The following MACF1 variants were observed in gnomAD, a reference collection of about 807,000 sequenced individuals.
MACF1 encodes the protein microtubule-actin cross-linking factor 1.
A neutral mutation model predicts 854.8 loss-of-function variants in MACF1; 193 were observed. The observed-to-expected ratio is 0.23, with a 90% confidence interval of 0.20 to 0.25. The LOEUF is 0.25. Ranked by LOEUF, MACF1 falls within the 10% of genes least tolerant of loss-of-function variation. MACF1 has a pLI of 1.00. For synonymous variants in MACF1, 3,185 were observed against 3,226.7 expected, an observed-to-expected ratio of 0.99 and a Z score of 0.44; for missense variants, 7,722 against 8,929.1, an observed-to-expected ratio of 0.86 and a Z score of 5.45.
intron 97 of MACF1, among the ~76,000 whole-genome samples, chr1:39,472,503 T>C (rs1644797698): frequency 6.6e-6 from 1 of 152,232 alleles, no homozygotes; most frequent in African/African-American, 2.4e-5. Flanking sequence ...TTCTTAAAAT[T>C]GGCCGCTTTA....
At chr1:39,453,218 T>C (rs1644371510) in intron 87 of MACF1, among the ~76,000 whole-genome samples, 1 of 152,212 alleles carries the variant, frequency 6.6e-6, no homozygotes, top group Non-Finnish European at 1.5e-5. Context: ...TCTCAGTCTG[T>C]CCTAATGAGG....
At chr1:39,186,652 GGCTGGAGT>G (rs142296431) in intron 2 of MACF1, among the ~76,000 whole-genome samples, 3,055 of 152,080 alleles carry the variant, frequency 0.02, 108 homozygotes, top group African/African-American at 0.071. Flanking sequence ...CTTCCACCCA[GGCTGGAGT>G]GCAGTGGTGT....
intron 2 of MACF1, among the ~76,000 whole-genome samples, chr1:39,163,571 A>G (rs1164172021): frequency 6.6e-6 from 1 of 152,184 alleles, no homozygotes; most frequent in African/African-American, 2.4e-5. Flanking sequence ...AGTATTGTTG[A>G]ATAAGTGGAA....
At chr1:39,348,240 G>A (rs1006891573) in intron 41 of MACF1, among the ~76,000 whole-genome samples, 5 of 152,090 alleles carry the variant, frequency 3.3e-5, no homozygotes, top group African/African-American at 4.8e-5. Flanking sequence ...TGCAATGCTC[G>A]CATTCAGGAG....
At position 39,439,046 on chromosome 1, in the gene MACF1, G is replaced by A. The variant is rs1482269879; in HGVS notation, c.18221-228G>A. 4.0e-5 allele frequency among the ~76,000 whole-genome samples: 6 copies of A among 149,032 alleles called. No homozygotes were observed. In the East Asian group the frequency reaches 1.2e-3, roughly 29 times the overall value. The stretch of plus-strand genomic sequence containing the variant: ...TGCAGTGAGCCAAGATTGCGCCACT[G>A]CACTCCAGCCTGGGCAACAGGAGCA... On this transcript the variant is annotated intron_variant, in intron 71 of 100. Transcript: ENST00000564288.
intron 2 of MACF1, among the ~76,000 whole-genome samples, chr1:39,113,622 A>G (rs1642468834): frequency 6.6e-6 from 1 of 152,232 alleles, no homozygotes; most frequent in Non-Finnish European, 1.5e-5. Context: ...CATACAGAAG[A>G]AAGCAATTTT....
Position 39,435,583 on chromosome 1 carries a change from A to G in MACF1, c.17810A>G (p.His5937Arg), listed in dbSNP as rs763351995. The change falls in exon 70 of 101, where the codon CAC becomes CGC. Residue 5937 changes from histidine to arginine, a missense_variant. His to Arg is a conservative substitution (Grantham distance 29). Coordinates refer to ENST00000564288, the MANE Select transcript of MACF1 (RefSeq NM_001394062.1). ...CAATTAAGGGAATCTATTGCTGAAC[A>G]CAAACCTCATATTGACAAACTACTA... ...MRQLRESIAE[H>R]KPHIDKLLKI... 3 of 1,614,038 alleles carry G rather than the reference A, an allele frequency of 1.9e-6. No homozygotes were observed. Among genetic ancestry groups the G allele is most frequent in the Non-Finnish European group, 2.5e-6 (3 of 1,180,008 alleles).
intron 58 of MACF1, chr1:39,410,725 G>C: frequency 1.9e-6 from 3 of 1,613,932 alleles, no homozygotes; most frequent in Non-Finnish European, 2.5e-6. Context: ...TTCTCTCAGT[G>C]AGGTTTCAGA....
chr1:39,299,172 G>A (rs959657490), intron 21 of MACF1: 2 of 453,058 alleles, frequency 4.4e-6, no homozygotes, highest in Admixed American at 2.4e-5. Flanking sequence ...AAATGTGGCT[G>A]TCTCCCTGAT....
intron 6 of MACF1, among the ~76,000 whole-genome samples, chr1:39,279,682 T>C (rs1250964899): frequency 2.0e-5 from 3 of 152,190 alleles, no homozygotes; most frequent in Admixed American, 1.3e-4. Context: ...CGGCACTATC[T>C]ACATCATCTT....
rs767754408 is a variant in MACF1 at position 39,285,585 on chromosome 1, T to C, written c.1354-19T>C. 3 of 1,611,088 alleles carry C rather than the reference T, an allele frequency of 1.9e-6. No individual in the cohort carries two copies. Among genetic ancestry groups the C allele is most frequent in the Non-Finnish European group, 2.5e-6 (3 of 1,177,530 alleles). On this transcript the variant is annotated intron_variant, in intron 13 of 100. Transcript: ENST00000564288. ...GGCAATGGAAGTTTTCCCACTGTTA[T>C]TCTCTCTTCCTGTCTCAGGATGCTG...
At chr1:39,473,527 C>T (rs1623310) in intron 97 of MACF1, among the ~76,000 whole-genome samples, 136 of 152,346 alleles carry the variant, frequency 8.9e-4, no homozygotes, top group African/African-American at 3.0e-3. Flanking sequence ...TTTGTTTCTG[C>T]TGTGCAAGAG....
At chr1:39,235,079 A>T (rs1571206301) in intron 2 of MACF1, among the ~76,000 whole-genome samples, 2 of 150,698 alleles carry the variant, frequency 1.3e-5, no homozygotes, top group South Asian at 2.1e-4. Flanking sequence ...CCAGGCAGAG[A>T]CGCTCCTCAC....
chr1:39,181,836 G>A (rs955107141), intron 2 of MACF1, among the ~76,000 whole-genome samples: 3 of 152,054 alleles, frequency 2.0e-5, no homozygotes, highest in Admixed American at 6.6e-5. Context: ...ATTATACTGG[G>A]ACAACTGGAT....
At chr1:39,425,572 T>C (rs59467794) in intron 61 of MACF1, among the ~76,000 whole-genome samples, 13 of 152,344 alleles carry the variant, frequency 8.5e-5, no homozygotes, top group African/African-American at 3.1e-4. Context: ...TTTCTTAGCT[T>C]CTACTATTCT....
intron 2 of MACF1, among the ~76,000 whole-genome samples, chr1:39,190,342 G>GTCTTT (rs1644235512): frequency 1.0e-5 from 1 of 95,292 alleles, no homozygotes; most frequent in Admixed American, 1.2e-4. Context: ...CTCTTTTCTT[G>GTCTTT]TCTTTTCTTT....
chr1:39,185,744 A>G (rs1193913625), intron 2 of MACF1, among the ~76,000 whole-genome samples: 1 of 152,176 alleles, frequency 6.6e-6, no homozygotes, highest in Non-Finnish European at 1.5e-5. Context: ...TGAGTCAGAT[A>G]ACTTACTTCT....
chr1:39,441,656 T>C (rs986202076), intron 74 of MACF1, among the ~76,000 whole-genome samples: 2 of 152,224 alleles, frequency 1.3e-5, no homozygotes, highest in African/African-American at 4.8e-5. Flanking sequence ...GCACAGTTGC[T>C]TCAGAACATC....
rs1404055903 is a variant in MACF1, at chr1:39,430,865, A to C, written c.17294A>C (p.Gln5765Pro). ...AAACTAGTCAGTGACACTATTGGAC[A>C]AAGGGTGGATGAAATTGATGCTGCT... ...QYKLVSDTIGQRVDEIDAAIQ... is the reference protein window; with the variant it reads ...QYKLVSDTIGPRVDEIDAAIQ... The change falls in exon 66 of 101, where the codon CAA becomes CCA. Residue 5765 changes from glutamine to proline, a missense_variant. Transcript: ENST00000564288. 5 of 1,612,624 alleles carry C rather than the reference A, an allele frequency of 3.1e-6. No individual in the cohort carries two copies. Among genetic ancestry groups the C allele is most frequent in the Non-Finnish European group, 3.4e-6 (4 of 1,179,992 alleles).
Sources: gnomAD v4.1 joint callset for allele counts (sites outside exome capture counted in the v4.1 genomes callset) on GRCh38, gnomAD v4.1.1 for gene constraint, MANE v1.5 for transcripts, NCBI Gene and HGNC (gene_info 2026-07-23, HGNC 2026-07-21) for gene names.